RSU1: variants seen among roughly 807,000 people sequenced by gnomAD.
RSU1 encodes rsu-1.
Under a neutral mutation model 31.1 loss-of-function variants are expected in RSU1, and 26 were observed. The observed-to-expected ratio is 0.84, with a 90% confidence interval of 0.61 to 1.16. The LOEUF (loss-of-function observed/expected upper bound fraction) is 1.16, where lower values mean the gene tolerates loss of function less well. Among genes scored for constraint, RSU1 ranks in the 50% most tolerant of loss-of-function variants. The pLI is 0.00. For synonymous variants in RSU1, 164 were observed against 136.3 expected (o/e 1.20, Z -1.41); for missense variants, 320 against 339.1 (o/e 0.94, Z 0.44).
At chr10:16,663,955 G>A (rs1352308554) in intron 8 of RSU1, among the ~76,000 whole-genome samples, 1 of 152,228 alleles carries the variant, frequency 6.6e-6, no homozygotes, top group East Asian at 1.9e-4. Context: ...CTTGGGCAGT[G>A]ACGGGTACAG....
At chr10:16,737,734 T>C (rs1836657706) in intron 7 of RSU1, among the ~76,000 whole-genome samples, 1 of 147,928 alleles carries the variant, frequency 6.8e-6, no homozygotes, top group Non-Finnish European at 1.5e-5. Flanking sequence ...CTCTCTAAAG[T>C]TATTTAAGAA....
intron 7 of RSU1, among the ~76,000 whole-genome samples, chr10:16,695,525 C>T (rs939496282): frequency 6.6e-6 from 1 of 152,070 alleles, no homozygotes; most frequent in East Asian, 1.9e-4. Context: ...CTTGTCCTGG[C>T]TGATCTGGGC....
rs1196670391 is a variant in RSU1, at chr10:16,592,735, C to T, written c.*659G>A. 1 of 151,974 alleles carries T rather than the reference C, an allele frequency of 6.6e-6. No individual in the cohort carries two copies. The highest frequency in any genetic ancestry group is 6.6e-5 in the Admixed American group (1 of 15,262). The allele number at this position is 151,974 out of a possible 1,614,324, so 9.4% of individuals were successfully genotyped here. A position where few individuals can be genotyped will look rare whatever the true frequency, so the allele number is the denominator to read the frequency against. On this transcript the variant is annotated 3_prime_UTR_variant, in exon 9 of 9. Coordinates refer to ENST00000345264, the MANE Select transcript of RSU1 (RefSeq NM_012425.4). ...GTCTTCAAAGAAAAAAAAAACTTGA[C>T]AAATTAATGTGAGAAGAAACGAACT...
chr10:16,791,637 A>C (rs970713832), intron 2 of RSU1, among the ~76,000 whole-genome samples: 4 of 87,804 alleles, frequency 4.6e-5, no homozygotes, highest in Non-Finnish European at 1.0e-4. Context: ...CAAAAAAACA[A>C]AAAAAAAAAA....
intron 2 of RSU1, among the ~76,000 whole-genome samples, chr10:16,793,265 T>C (rs1013700449): frequency 6.6e-6 from 1 of 152,198 alleles, no homozygotes; most frequent in Non-Finnish European, 1.5e-5. Flanking sequence ...AAATTTTGAA[T>C]ACTTGACTGA....
chr10:16,696,710 T>C (rs1835682546), intron 7 of RSU1, among the ~76,000 whole-genome samples: 2 of 152,222 alleles, frequency 1.3e-5, no homozygotes, highest in Non-Finnish European at 2.9e-5. Context: ...GGGAAATTAG[T>C]GAGCTTGATT....
At chr10:16,700,891 T>A (rs1162862284) in intron 7 of RSU1, among the ~76,000 whole-genome samples, 1 of 152,244 alleles carries the variant, frequency 6.6e-6, no homozygotes, top group Non-Finnish European at 1.5e-5. Flanking sequence ...TCTGTAACTA[T>A]AATTAAAACA....
chr10:16,707,714 A>C (rs2131577487), intron 7 of RSU1, among the ~76,000 whole-genome samples: 1 of 152,018 alleles, frequency 6.6e-6, no homozygotes, highest in Middle Eastern at 3.4e-3. Flanking sequence ...AAAGCTTTAT[A>C]ATTTGATGTA....
chr10:16,756,528 T>C (rs929240784), intron 4 of RSU1, among the ~76,000 whole-genome samples: 9 of 152,222 alleles, frequency 5.9e-5, no homozygotes, highest in Admixed American at 5.9e-4. Flanking sequence ...CCACTTCCAC[T>C]TAAAGCACAG....
At chr10:16,766,765 G>A (rs1381625842) in intron 3 of RSU1, among the ~76,000 whole-genome samples, 1 of 151,960 alleles carries the variant, frequency 6.6e-6, no homozygotes, top group Non-Finnish European at 1.5e-5. Context: ...TGTGATCCCA[G>A]CACTTTGGGA....
chr10:16,674,237 C>G (rs1408120869), intron 8 of RSU1, among the ~76,000 whole-genome samples: 1 of 151,926 alleles, frequency 6.6e-6, no homozygotes, highest in Non-Finnish European at 1.5e-5. Flanking sequence ...AAAAGAGCGA[C>G]TAGATTTGAT....
At chr10:16,597,481 G>T (rs1191139075) in intron 8 of RSU1, among the ~76,000 whole-genome samples, 2 of 152,134 alleles carry the variant, frequency 1.3e-5, no homozygotes, top group African/African-American at 4.8e-5. Flanking sequence ...ATGACTCTGG[G>T]CAAATGATCA....
chr10:16,633,151 C>G (rs1052895570), intron 8 of RSU1, among the ~76,000 whole-genome samples: 1 of 152,080 alleles, frequency 6.6e-6, no homozygotes, highest in African/African-American at 2.4e-5. Flanking sequence ...AATAGCACCC[C>G]CACACCAGCT....
intron 4 of RSU1, among the ~76,000 whole-genome samples, chr10:16,758,161 G>C (rs986751919): frequency 7.9e-6 from 1 of 126,248 alleles, no homozygotes; most frequent in Non-Finnish European, 1.6e-5. Flanking sequence ...CCACCCTGGC[G>C]GGCAGAAAGA....
intron 8 of RSU1, among the ~76,000 whole-genome samples, chr10:16,660,594 G>A (rs2131526208): frequency 7.7e-6 from 1 of 129,062 alleles, no homozygotes; most frequent in Admixed American, 7.6e-5. Flanking sequence ...GTTACTCTGT[G>A]TTTTGTGTTA....
In RSU1 at chr10:16,616,371, CAAAAAAAAAA is replaced by C. The variant is rs529296931; in HGVS notation, c.732-22885_732-22876del. 4.7e-3 allele frequency among the ~76,000 whole-genome samples: 424 copies of C among 90,986 alleles called. 1 individual carries two copies. The highest frequency in any genetic ancestry group is 0.012 in the African/African-American group (392 of 31,942). 59.7% of individuals were successfully genotyped at this position (90,986 alleles called of 152,430 possible). Reference sequence around the variant, plus strand: ...AGGCAGTAATTAATAGCCTACCAACCAAAAAAAAAAAAAAAAAAAAAAAACCCCAGGACCA... The same window carrying C: ...AGGCAGTAATTAATAGCCTACCAACCAAAAAAAAAAAAAACCCCAGGACCA... On this transcript the variant is annotated intron_variant, in intron 8 of 8. Coordinates refer to ENST00000345264, the MANE Select transcript of RSU1 (RefSeq NM_012425.4).
rs192334455 is a variant in RSU1 at position 16,774,740 on chromosome 10, G to A, written c.160+7294C>T. Among the ~76,000 whole-genome samples, 378 of 152,284 alleles carry A rather than the reference G, an allele frequency of 2.5e-3. 2 individuals carry two copies. Among genetic ancestry groups the A allele is most frequent in the African/African-American group, 8.2e-3 (341 of 41,554 alleles). ...CCTCTGCTGGAATTACAACCATCAC[G>A]TGCACTTCTCTACAGATCAGGGTTG... On this transcript the variant is annotated intron_variant, in intron 3 of 8. Coordinates refer to ENST00000345264, the MANE Select transcript of RSU1 (RefSeq NM_012425.4).
At chr10:16,595,325 T>C (rs1042115402) in intron 8 of RSU1, among the ~76,000 whole-genome samples, 1 of 148,554 alleles carries the variant, frequency 6.7e-6, no homozygotes, top group African/African-American at 2.6e-5. Flanking sequence ...CTGGACACTA[T>C]GGTTTTGAAA....
chr10:16,801,318 T>C (rs1320036775), intron 2 of RSU1, among the ~76,000 whole-genome samples: 1 of 152,168 alleles, frequency 6.6e-6, no homozygotes, highest in Non-Finnish European at 1.5e-5. Context: ...GACGATTAAA[T>C]GGTAAACTTT....
Sources: gnomAD v4.1 joint callset for allele counts (sites outside exome capture counted in the v4.1 genomes callset) on GRCh38, gnomAD v4.1.1 for gene constraint, MANE v1.5 for transcripts, NCBI Gene and HGNC (gene_info 2026-07-23, HGNC 2026-07-21) for gene names.